KCTD6: variants seen among roughly 807,000 people sequenced by gnomAD.
KCTD6 encodes potassium channel tetramerization domain containing 6.
Under a neutral mutation model 18.7 loss-of-function variants are expected in KCTD6, and 6 were observed. That is an observed-to-expected ratio of 0.32 (90% CI 0.18 to 0.63). The LOEUF (loss-of-function observed/expected upper bound fraction) is 0.63. Among genes scored for constraint, KCTD6 ranks in the 30% least tolerant of loss-of-function variants. The probability of loss-of-function intolerance (pLI) is 0.79; values close to 1 mark genes in which losing one functional copy is unlikely to be tolerated. For missense variants in KCTD6, 165 were observed against 300.2 expected (o/e 0.55, Z 3.33); for synonymous variants, 86 against 108.5 (o/e 0.79, Z 1.29).
intron 2 of KCTD6, among the ~76,000 whole-genome samples, chr3:58,499,645 T>C (rs961747304): frequency 6.6e-6 from 1 of 151,670 alleles, no homozygotes; most frequent in Non-Finnish European, 1.5e-5. Context: ...CTCAGGTGAT[T>C]GTCCCACCTC....
rs1418328550 is a variant in KCTD6, at chr3:58,492,424, G to T, written c.-44+255G>T. ...CGGCGGGGATGCGCGGTTTCTGCGG[G>T]CCCGGGTTCGGAGCCCCGCGGCGCG... On this transcript the variant is annotated intron_variant, in intron 1 of 2. Coordinates refer to ENST00000404589, the MANE Select transcript of KCTD6 (RefSeq NM_001128214.2). This position sits in a 1 kb window ranked among gnomAD's most constrained non-coding sequence, Gnocchi z 6.1. Among the ~76,000 whole-genome samples the T allele has an allele frequency of 6.6e-6, 1 of 151,302 alleles. No individual in the cohort carries two copies. Among genetic ancestry groups the T allele is most frequent in the Non-Finnish European group, 1.5e-5 (1 of 67,758 alleles).
chr3:58,501,059 C>T lies in KCTD6; in HGVS notation c.141C>T (p.Pro47=). Residue 47 remains proline, a synonymous_variant, in exon 3 of 3, where the codon CCC becomes CCT. Transcript: ENST00000404589. The surrounding 1 kb of genome is among the most constrained non-coding windows in gnomAD (Gnocchi z 9.7). ...MLGAMFGGDF[P]TARDPQGNYF... is the part of the protein sequence containing the mutation. The stretch of plus-strand genomic sequence containing the variant: ...GAGCTATGTTTGGGGGGGACTTCCC[C>T]ACAGCTCGAGACCCTCAAGGCAATT... The T allele has an allele frequency of 1.2e-6, 2 of 1,614,132 alleles. No homozygotes were observed. The highest frequency in any genetic ancestry group is 1.7e-6 in the Non-Finnish European group (2 of 1,180,008).
rs926137052 is a variant in KCTD6 at position 58,493,302 on chromosome 3, G to A, written c.-44+1133G>A. Among the ~76,000 whole-genome samples the A allele has an allele frequency of 3.3e-5, 5 of 152,256 alleles. No individual in the cohort carries two copies. The highest frequency in any genetic ancestry group is 4.8e-5 in the African/African-American group (2 of 41,472). On this transcript the variant is annotated intron_variant, in intron 1 of 2. Coordinates refer to ENST00000404589, the MANE Select transcript of KCTD6 (RefSeq NM_001128214.2). This position sits in a 1 kb window ranked among gnomAD's most constrained non-coding sequence, Gnocchi z 4.5. ...TGCCTTAGATATGAACGATGGAGTG[G>A]TCAGGATAGCCATGGATGCCATTCC...
At chr3:58,499,551 T>G (rs2063195216) in intron 2 of KCTD6, among the ~76,000 whole-genome samples, 1 of 148,818 alleles carries the variant, frequency 6.7e-6, no homozygotes, top group Non-Finnish European at 1.5e-5. Flanking sequence ...TTCTTCCTTT[T>G]TTTTTTTTTT....
chr3:58,498,640 G>C lies in KCTD6; in HGVS notation c.-43-73G>C. ...TTCTGGTGTTTGGCCTCCTCTGTTG[G>C]GTGGAAAAAGACTTTCTTCTCTATT... On this transcript the variant is annotated intron_variant, in intron 1 of 2. Transcript: ENST00000404589. The surrounding 1 kb of genome is among the most constrained non-coding windows in gnomAD (Gnocchi z 4.6). 1 of 838,170 alleles carries C rather than the reference G, an allele frequency of 1.2e-6. No individual in the cohort carries two copies. Among genetic ancestry groups the C allele is most frequent in the South Asian group, 1.4e-5 (1 of 69,902 alleles). 51.9% of individuals were successfully genotyped at this position (838,170 alleles called of 1,614,324 possible).
intron 2 of KCTD6, among the ~76,000 whole-genome samples, chr3:58,499,273 T>C (rs1237066174): frequency 6.6e-6 from 1 of 152,214 alleles, no homozygotes; most frequent in East Asian, 1.9e-4. Flanking sequence ...AAATACTTTT[T>C]ATAATCACTG....
rs776504860 is a variant in KCTD6, at chr3:58,501,356, C to T, written c.438C>T (p.Thr146=). 5.6e-6 allele frequency: 9 copies of T among 1,602,246 alleles called. No individual in the cohort carries two copies. The highest frequency in any genetic ancestry group is 7.7e-6 in the Non-Finnish European group (9 of 1,175,418). ...TCATCATAACGCAACTAACCATCACCACTAAGGTCCATTCCTTACTAGAAG... is the reference window on the plus strand; with the variant it reads ...TCATCATAACGCAACTAACCATCACTACTAAGGTCCATTCCTTACTAGAAG... The part of the protein sequence containing the change: ...VAVIITQLTI[T]TKVHSLLEGI... Residue 146 remains threonine (T), a synonymous_variant, in exon 3 of 3, where the codon ACC becomes ACT. Coordinates refer to ENST00000404589, the MANE Select transcript of KCTD6 (RefSeq NM_001128214.2). The surrounding 1 kb of genome is among the most constrained non-coding windows in gnomAD (Gnocchi z 9.7).
At chr3:58,500,818 A>T (rs1000331495) in intron 2 of KCTD6, 128 bp from the exon 3 acceptor site, 1 of 573,562 alleles carries the variant, frequency 1.7e-6, no homozygotes. Flanking sequence ...ATTTTGCATT[A>T]GAGGATTACT....
Position 58,501,324 on chromosome 3 carries a change from G to A in KCTD6, c.406G>A (p.Val136Met). ...TRKLSKYSNP[V>M]AVIITQLTIT... ...GAAGCTTTCTAAGTACTCCAACCCAGTGGCTGTCATCATAACGCAACTAAC... is the reference window on the plus strand; with the variant it reads ...GAAGCTTTCTAAGTACTCCAACCCAATGGCTGTCATCATAACGCAACTAAC... Residue 136 changes from valine to methionine, a missense_variant, in exon 3 of 3, where the codon GTG (valine) becomes ATG (methionine). By Grantham distance (21) the Val-to-Met change is conservative. Transcript: ENST00000404589. The surrounding 1 kb of genome is among the most constrained non-coding windows in gnomAD (Gnocchi z 9.7). 6.2e-7 allele frequency: 1 copy of A among 1,610,176 alleles called. No individual in the cohort carries two copies. Among genetic ancestry groups the A allele is most frequent in the Non-Finnish European group, 8.5e-7 (1 of 1,178,798 alleles).
rs1396077001 is a variant in KCTD6, at chr3:58,496,673, A to G, written c.-43-2040A>G. 6.6e-6 allele frequency among the ~76,000 whole-genome samples: 1 copy of G among 152,108 alleles called. No individual in the cohort carries two copies. The highest frequency in any genetic ancestry group is 2.4e-5 in the African/African-American group (1 of 41,412). On this transcript the variant is annotated intron_variant, in intron 1 of 2. Coordinates refer to ENST00000404589, the MANE Select transcript of KCTD6 (RefSeq NM_001128214.2). This position sits in a 1 kb window ranked among gnomAD's most constrained non-coding sequence, Gnocchi z 5.1. The stretch of plus-strand genomic sequence containing the variant: ...ACGGGCCTCTGCTGGTCCATCTGTT[A>G]TACAGCACTTTGAATTCTGTTCTGT...
Position 58,501,265 on chromosome 3 carries a change from C to A in KCTD6, c.347C>A (p.Thr116Asn). 4.3e-6 allele frequency: 7 copies of A among 1,614,166 alleles called. No individual in the cohort carries two copies. Among genetic ancestry groups the A allele is most frequent in the Non-Finnish European group, 5.9e-6 (7 of 1,180,020 alleles). The change falls in exon 3 of 3, where the codon ACT (threonine) becomes AAT (asparagine). Residue 116 changes from threonine (T) to asparagine (N), a missense_variant. Physicochemically the swap from Thr to Asn is moderately conservative, Grantham distance 65 (BLOSUM62 0). This residue lies in a region of KCTD6 where 106 missense variants were observed against 230.4 expected (regional missense o/e 0.46). Coordinates refer to ENST00000404589, the MANE Select transcript of KCTD6 (RefSeq NM_001128214.2). The surrounding 1 kb of genome is among the most constrained non-coding windows in gnomAD (Gnocchi z 9.7). ...CCTAAGCCTTTGTATCCCATGGATA[C>A]TTTTGAAGAAGTTGTGGAGCTGTCT... ...NDPKPLYPMD[T>N]FEEVVELSST... is the part of the protein sequence containing the mutation.
At chr3:58,500,594 TAA>T (rs2063200808) in intron 2 of KCTD6, among the ~76,000 whole-genome samples, 1 of 151,788 alleles carries the variant, frequency 6.6e-6, no homozygotes, top group African/African-American at 2.4e-5. Flanking sequence ...CAGAAAAAAA[TAA>T]GTGTATTTTA....
In KCTD6 at chr3:58,493,238, C is replaced by T. The variant is rs1372221103; in HGVS notation, c.-44+1069C>T. ...AGGTTGAGAGTATTTTCTCTTTGGC[C>T]GAAACCATCAGTCCATACTGATACT... On this transcript the variant is annotated intron_variant, in intron 1 of 2. Coordinates refer to ENST00000404589, the MANE Select transcript of KCTD6 (RefSeq NM_001128214.2). The surrounding 1 kb of genome is among the most constrained non-coding windows in gnomAD (Gnocchi z 4.5). 6.6e-6 allele frequency among the ~76,000 whole-genome samples: 1 copy of T among 152,126 alleles called. No individual in the cohort carries two copies. The highest frequency in any genetic ancestry group is 2.4e-5 in the African/African-American group (1 of 41,436).
chr3:58,498,554 T>C lies in KCTD6; in HGVS notation c.-43-159T>C. On this transcript the variant is annotated intron_variant, in intron 1 of 2. Transcript: ENST00000404589. This position sits in a 1 kb window ranked among gnomAD's most constrained non-coding sequence, Gnocchi z 4.6. ...GGACATGTAGAAGGCCCTAGGGGAA[T>C]GCTTTCTTCCCCAGATCTTTGCCCT... is the stretch of plus-strand genomic sequence containing the variant. 1.7e-6 allele frequency: 1 copy of C among 592,916 alleles called. No individual in the cohort carries two copies. The highest frequency in any genetic ancestry group is 3.0e-6 in the Non-Finnish European group (1 of 338,514). The allele number at this position is 592,916 out of a possible 1,614,324, so 36.7% of individuals were successfully genotyped here.
intron 2 of KCTD6, chr3:58,500,278 A>ATTTTTT (rs66715551): frequency 7.6e-5 from 9 of 119,116 alleles, no homozygotes; most frequent in Non-Finnish European, 1.0e-4. Flanking sequence ...CACCCAGTGA[A>ATTTTTT]TTTTTTTTTT....
rs946186644 is a variant in KCTD6, at chr3:58,492,633, C to G, written c.-44+464C>G. ...AATTGCCCTAGTTTAAAGCTTGAGG[C>G]AGGACTCAAAACCCTGCCTTTGGGA... is the stretch of plus-strand genomic sequence containing the variant. On this transcript the variant is annotated intron_variant, in intron 1 of 2. Transcript: ENST00000404589. The surrounding 1 kb of genome is among the most constrained non-coding windows in gnomAD (Gnocchi z 6.1). 6.6e-6 allele frequency among the ~76,000 whole-genome samples: 1 copy of G among 152,184 alleles called. No homozygotes were observed. Among genetic ancestry groups the G allele is most frequent in the African/African-American group, 2.4e-5 (1 of 41,456 alleles).
intron 1 of KCTD6, among the ~76,000 whole-genome samples, chr3:58,495,446 C>T (rs1036150975): frequency 2.6e-5 from 4 of 152,084 alleles, no homozygotes; most frequent in Non-Finnish European, 4.4e-5. Context: ...TCCTAATGGT[C>T]GTCAATTCAG....
chr3:58,493,452 A>G lies in KCTD6; in HGVS notation c.-44+1283A>G, dbSNP rs925142558. Reference sequence around the variant, plus strand: ...GGATTTTGATATTTGGGGTCCATTTAAAATGGAGTACCTGTATGTATTTGG... The same window carrying G: ...GGATTTTGATATTTGGGGTCCATTTGAAATGGAGTACCTGTATGTATTTGG... On this transcript the variant is annotated intron_variant, in intron 1 of 2. Transcript: ENST00000404589. This position sits in a 1 kb window ranked among gnomAD's most constrained non-coding sequence, Gnocchi z 4.5. 2.0e-5 allele frequency among the ~76,000 whole-genome samples: 3 copies of G among 152,246 alleles called. No homozygotes were observed. Among genetic ancestry groups the G allele is most frequent in the Non-Finnish European group, 4.4e-5 (3 of 68,038 alleles).
At position 58,501,627 on chromosome 3, in the gene KCTD6, G is replaced by T; in HGVS notation, c.709G>T (p.Asp237Tyr). 7.5e-7 allele frequency: 1 copy of T among 1,329,670 alleles called. No individual in the cohort carries two copies. The highest frequency in any genetic ancestry group is 9.7e-7 in the Non-Finnish European group (1 of 1,032,314). 82.4% of individuals were successfully genotyped at this position (1,329,670 alleles called of 1,614,324 possible). A position where few individuals can be genotyped will look rare whatever the true frequency, so the allele number is the denominator to read the frequency against. The change falls in exon 3 of 3, where the codon GAC becomes TAC. Residue 237 changes from aspartate to tyrosine, a missense_variant. Asp to Tyr is a radical substitution (Grantham distance 160, BLOSUM62 -3). Coordinates refer to ENST00000404589, the MANE Select transcript of KCTD6 (RefSeq NM_001128214.2). The surrounding 1 kb of genome is among the most constrained non-coding windows in gnomAD (Gnocchi z 9.7). ...TFCRLARKTD[D>Y] ...CTGTAGGCTAGCCCGGAAGACAGAC[G>T]ACTGATCTCCGACCCTGCCACAGGT...
Sources: gnomAD v4.1 joint callset for allele counts (sites outside exome capture counted in the v4.1 genomes callset) on GRCh38, gnomAD v4.1.1 for gene constraint, gnomAD v4.1.1 regional missense constraint, Gnocchi (gnomAD v3.1) non-coding constraint, MANE v1.5 for transcripts, NCBI Gene and HGNC (gene_info 2026-07-23, HGNC 2026-07-21) for gene names.